STPG2: variants seen among roughly 807,000 people sequenced by gnomAD.
STPG2 encodes sperm tail PG-rich repeat containing 2.
A neutral mutation model predicts 54.2 loss-of-function variants in STPG2; 56 were observed. The ratio of observed to expected loss-of-function variants is 1.03; its 90% CI spans 0.83 to 1.29. The LOEUF (loss-of-function observed/expected upper bound fraction) is 1.29. Ranked by LOEUF, STPG2 falls within the 50% of genes most tolerant of loss-of-function variation. STPG2 has a pLI of 0.00. For synonymous variants in STPG2, 200 were observed against 181.8 expected (o/e 1.10, Z -0.81); for missense variants, 596 against 544.9 (o/e 1.09, Z -0.93).
intron 10 of STPG2, among the ~76,000 whole-genome samples, chr4:97,622,029 A>C (rs1405351360): frequency 6.6e-6 from 1 of 152,156 alleles, no homozygotes; most frequent in Non-Finnish European, 1.5e-5. Flanking sequence ...AGACCACATG[A>C]TTATTTATCT....
At position 97,973,753 on chromosome 4, in the gene STPG2, G is replaced by A. The variant is rs570775684; in HGVS notation, c.773-1313C>T. Among the ~76,000 whole-genome samples, 5 of 73,272 alleles carry A rather than the reference G, an allele frequency of 6.8e-5. No homozygotes were observed. In the East Asian group the frequency reaches 1.3e-3, roughly 18 times the overall value. 48.1% of individuals were successfully genotyped at this position (73,272 alleles called of 152,430 possible). A position where few individuals can be genotyped will look rare whatever the true frequency, so the allele number is the denominator to read the frequency against. The stretch of plus-strand genomic sequence containing the variant: ...AAGGAGCCAACGTAGAGCTCAGGCC[G>A]TGGTTTCAGAGGGTGCAAGCCCAAG... On this transcript the variant is annotated intron_variant, in intron 6 of 10. Transcript: ENST00000295268.
chr4:98,003,333 T>C (rs1227884874), intron 5 of STPG2, among the ~76,000 whole-genome samples: 1 of 152,082 alleles, frequency 6.6e-6, no homozygotes, highest in Non-Finnish European at 1.5e-5. Flanking sequence ...TGGAAATTAG[T>C]TGCTCATGCT....
At chr4:97,944,484 A>C (rs1733123681) in intron 7 of STPG2, among the ~76,000 whole-genome samples, 1 of 152,072 alleles carries the variant, frequency 6.6e-6, no homozygotes, top group South Asian at 2.1e-4. Context: ...TATGCATTGA[A>C]GATTTAAATT....
intron 8 of STPG2, among the ~76,000 whole-genome samples, chr4:97,849,275 G>A (rs1385421887): frequency 6.6e-6 from 1 of 151,818 alleles, no homozygotes; most frequent in Non-Finnish European, 1.5e-5. Context: ...GTGAATGGGA[G>A]TTCACTCATG....
intron 9 of STPG2, among the ~76,000 whole-genome samples, chr4:97,739,071 G>A (rs1214847974): frequency 6.6e-5 from 10 of 151,850 alleles, no homozygotes; most frequent in African/African-American, 1.7e-4. Flanking sequence ...ACTCAAAACC[G>A]CTCAACTACA....
chr4:97,849,347 G>C (rs544433625), intron 8 of STPG2, among the ~76,000 whole-genome samples: 1 of 152,082 alleles, frequency 6.6e-6, no homozygotes, highest in South Asian at 2.1e-4. Flanking sequence ...TACCATTCAG[G>C]ACATAGGCGT....
At chr4:97,796,197 T>C (rs899112203) in intron 9 of STPG2, among the ~76,000 whole-genome samples, 4 of 152,224 alleles carry the variant, frequency 2.6e-5, no homozygotes, top group Non-Finnish European at 5.9e-5. Flanking sequence ...AGAAGCTCTT[T>C]AGTTTAATTA....
At chr4:97,706,333 C>T (rs1723940151) in intron 10 of STPG2, among the ~76,000 whole-genome samples, 1 of 152,066 alleles carries the variant, frequency 6.6e-6, no homozygotes, top group African/African-American at 2.4e-5. Context: ...ATAGTAACCC[C>T]TAGTGTGATA....
At chr4:97,961,697 T>C (rs945362237) in intron 7 of STPG2, among the ~76,000 whole-genome samples, 4 of 151,426 alleles carry the variant, frequency 2.6e-5, no homozygotes, top group African/African-American at 9.7e-5. Flanking sequence ...AATCAAAAAA[T>C]CAAAAAATAA....
chr4:98,133,742 G>A (rs1163693625), intron 2 of STPG2, among the ~76,000 whole-genome samples: 1 of 151,906 alleles, frequency 6.6e-6, no homozygotes, highest in South Asian at 2.1e-4. Flanking sequence ...CTTCAACAAG[G>A]ACTTTATCTG....
At chr4:97,571,669 G>A (rs1732604155) in intron 10 of STPG2, among the ~76,000 whole-genome samples, 1 of 151,970 alleles carries the variant, frequency 6.6e-6, no homozygotes, top group Non-Finnish European at 1.5e-5. Flanking sequence ...CCACCTTTCT[G>A]GACCAAACCA....
intron 9 of STPG2, among the ~76,000 whole-genome samples, chr4:97,766,642 G>A (rs966936173): frequency 6.6e-6 from 1 of 151,882 alleles, no homozygotes; most frequent in African/African-American, 2.4e-5. Flanking sequence ...AGCAAGATAA[G>A]CCAATCTTTA....
At chr4:97,882,477 G>T (rs931828871) in intron 8 of STPG2, among the ~76,000 whole-genome samples, 1 of 152,146 alleles carries the variant, frequency 6.6e-6, no homozygotes, top group East Asian at 1.9e-4. Context: ...GGAAATGATA[G>T]CATTTTTGTA....
intron 7 of STPG2, among the ~76,000 whole-genome samples, chr4:97,958,634 TA>T (rs1385165374): frequency 6.6e-6 from 1 of 152,092 alleles, no homozygotes. Flanking sequence ...AACAGCAGTT[TA>T]AAAAGACAAA....
intron 8 of STPG2, among the ~76,000 whole-genome samples, chr4:97,940,730 A>G (rs1732944120): frequency 6.6e-6 from 1 of 152,164 alleles, no homozygotes; most frequent in Admixed American, 6.5e-5. Flanking sequence ...AAATAAACCA[A>G]TTTTAAAGCA....
At chr4:97,747,315 T>C (rs1725448471) in intron 9 of STPG2, among the ~76,000 whole-genome samples, 1 of 151,438 alleles carries the variant, frequency 6.6e-6, no homozygotes, top group Non-Finnish European at 1.5e-5. Context: ...AAATTAAGAT[T>C]ATTAAGCAAC....
chr4:98,016,793 A>C (rs1321596969), intron 5 of STPG2, among the ~76,000 whole-genome samples: 3 of 151,924 alleles, frequency 2.0e-5, no homozygotes, highest in Admixed American at 2.0e-4. Flanking sequence ...GCTTTATTTT[A>C]TTCTTTTAGT....
intron 9 of STPG2, among the ~76,000 whole-genome samples, chr4:97,790,974 T>C (rs1726971860): frequency 6.6e-6 from 1 of 152,190 alleles, no homozygotes; most frequent in African/African-American, 2.4e-5. Flanking sequence ...ATTCCTAATA[T>C]TCCATCAGTT....
In STPG2 at chr4:97,479,161, CACTT is replaced by C. The variant is rs369723208; in HGVS notation, c.462+233534_462+233537del. Among the ~76,000 whole-genome samples the C allele has an allele frequency of 1.2e-3, 184 of 151,884 alleles. 4 individuals are homozygous for C. In the South Asian group the frequency reaches 0.037, roughly 30 times the overall value. On this transcript the variant is annotated intron_variant, in intron 4 of 4. Transcript: ENST00000522676. The stretch of plus-strand genomic sequence containing the variant: ...GTATACACACACACACACACACAAA[CACTT>C]AGGCATAGATAATGATTACTCAAAC...
Sources: gnomAD v4.1 joint callset for allele counts (sites outside exome capture counted in the v4.1 genomes callset) on GRCh38, gnomAD v4.1.1 for gene constraint, MANE v1.5 for transcripts, NCBI Gene and HGNC (gene_info 2026-07-23, HGNC 2026-07-21) for gene names.